ANKRD31: variants seen among roughly 807,000 people sequenced by gnomAD.
ANKRD31 encodes the protein ankyrin repeat domain 31, also known as ankyrin repeat domain-containing protein 31.
ANKRD31 carries 147 observed loss-of-function variants against 186.0 expected under a neutral mutation model. That is an observed-to-expected ratio of 0.79 (90% CI 0.69 to 0.91). The LOEUF is 0.91. ANKRD31 is among the 40% of genes least tolerant of loss of function. The probability of loss-of-function intolerance (pLI) is 0.00; values close to 1 mark genes in which losing one functional copy is unlikely to be tolerated. For missense variants in ANKRD31, 1,986 were observed against 2,148.8 expected (o/e 0.92, Z 1.50); for synonymous variants, 673 against 736.4 (o/e 0.91, Z 1.39).
chr5:75,144,268 C>T (rs1447381205), intron 14 of ANKRD31, 97 bp from the exon 15 acceptor site: 1 of 391,938 alleles, frequency 2.6e-6, no homozygotes, highest in Non-Finnish European at 4.5e-6. Context: ...TTCTGTTCCA[C>T]ACTGGACTGT....
In ANKRD31 at chr5:75,175,746, G is replaced by A. The variant is rs1580486360; in HGVS notation, c.1565-6625C>T. Among the ~76,000 whole-genome samples the A allele has an allele frequency of 9.2e-5, 14 of 152,012 alleles. 2 individuals are homozygous for A. The South Asian group carries it at 2.9e-3, about 32-fold the overall frequency. ...TGTTTAGTGATAAAACACACTGTTG[G>A]TTGGGGTGGAGCCAAGATGGCCGAA... On this transcript the variant is annotated intron_variant, in intron 10 of 25. Transcript: ENST00000506364.
chr5:75,142,825 T>C (rs1207895342), intron 15 of ANKRD31, among the ~76,000 whole-genome samples: 1 of 152,118 alleles, frequency 6.6e-6, no homozygotes, highest in East Asian at 1.9e-4. Context: ...TCTGGAGCAG[T>C]TCAATTCTCT....
intron 11 of ANKRD31, among the ~76,000 whole-genome samples, chr5:75,165,957 T>C (rs1752892559): frequency 6.6e-6 from 1 of 152,224 alleles, no homozygotes; most frequent in African/African-American, 2.4e-5. Flanking sequence ...GGATGTTAAA[T>C]GGTATAAAGA....
intron 17 of ANKRD31, among the ~76,000 whole-genome samples, chr5:75,136,407 G>A (rs1561464539): frequency 6.6e-6 from 1 of 152,076 alleles, no homozygotes; most frequent in African/African-American, 2.4e-5. Flanking sequence ...ACAGACACAT[G>A]AAAAAAAGCT....
intron 6 of ANKRD31, among the ~76,000 whole-genome samples, chr5:75,198,812 C>T (rs1269173876): frequency 6.6e-6 from 1 of 152,212 alleles, no homozygotes; most frequent in Non-Finnish European, 1.5e-5. Flanking sequence ...ACCATCATTG[C>T]TCGGTCCTCA....
chr5:75,104,398 A>C lies in ANKRD31; in HGVS notation c.5161T>G (p.Cys1721Gly), dbSNP rs1407269452. Residue 1721 changes from cysteine to glycine, a missense_variant, in exon 22 of 26, where the codon TGT becomes GGT. By Grantham distance (159) the Cys-to-Gly change is radical. Transcript: ENST00000506364. ...GAGGAGATCTGACTGTCATCTGCAC[A>C]TGGAACAACAGAAACTGATTTTTTA... The part of the protein sequence containing the change: ...YLKKSVSVVP[C>G]ADDSQISSSS... 6.5e-7 allele frequency: 1 copy of C among 1,537,082 alleles called. No individual in the cohort carries two copies. Among genetic ancestry groups the C allele is most frequent in the African/African-American group, 1.4e-5 (1 of 73,026 alleles).
intron 22 of ANKRD31, among the ~76,000 whole-genome samples, chr5:75,099,924 C>T (rs540401726): frequency 6.6e-6 from 1 of 152,268 alleles, no homozygotes; most frequent in Non-Finnish European, 1.5e-5. Context: ...CTATTTCCCT[C>T]AGTTCTGCTC....
At chr5:75,223,354 A>G (rs964610814) in intron 2 of ANKRD31, among the ~76,000 whole-genome samples, 6 of 152,210 alleles carry the variant, frequency 3.9e-5, no homozygotes, top group African/African-American at 1.4e-4. Context: ...AAAGGCAATC[A>G]ATATGCATAG....
intron 17 of ANKRD31, among the ~76,000 whole-genome samples, chr5:75,131,015 C>A (rs1269299436): frequency 1.3e-5 from 2 of 152,250 alleles, no homozygotes; most frequent in East Asian, 3.9e-4. Context: ...GAACGGTGGT[C>A]CATGCACGGG....
intron 8 of ANKRD31, among the ~76,000 whole-genome samples, chr5:75,192,988 G>A (rs115215732): frequency 0.016 from 2,367 of 152,128 alleles, 74 homozygotes; most frequent in African/African-American, 0.054. Context: ...CTCTCTTTGC[G>A]CGACCTGTGG....
At chr5:75,220,064 T>C (rs540419623) in intron 3 of ANKRD31, among the ~76,000 whole-genome samples, 1 of 152,194 alleles carries the variant, frequency 6.6e-6, no homozygotes, top group African/African-American at 2.4e-5. Flanking sequence ...AAATACCATT[T>C]TGGACATGGA....
At chr5:75,129,140 T>C (rs1034196893) in intron 17 of ANKRD31, among the ~76,000 whole-genome samples, 3 of 152,048 alleles carry the variant, frequency 2.0e-5, no homozygotes, top group South Asian at 2.1e-4. Context: ...GATCTGGTGG[T>C]TTAAAAGTGT....
At chr5:75,133,824 C>T (rs7293447) in intron 17 of ANKRD31, among the ~76,000 whole-genome samples, 4 of 152,032 alleles carry the variant, frequency 2.6e-5, no homozygotes, top group African/African-American at 9.7e-5. Flanking sequence ...TCTCTCAGAC[C>T]ACAGTGCAAT....
chr5:75,173,384 G>A (rs1753510898), intron 10 of ANKRD31, among the ~76,000 whole-genome samples: 1 of 152,092 alleles, frequency 6.6e-6, no homozygotes, highest in African/African-American at 2.4e-5. Flanking sequence ...CCTGGCCAGG[G>A]CAATCAGGCA....
intron 22 of ANKRD31, among the ~76,000 whole-genome samples, chr5:75,103,367 G>A (rs1747067945): frequency 6.6e-6 from 1 of 152,196 alleles, no homozygotes; most frequent in African/African-American, 2.4e-5. Context: ...TGGCGAGGTT[G>A]CAGATAAATA....
At chr5:75,164,142 T>C (rs1027058142) in intron 11 of ANKRD31, among the ~76,000 whole-genome samples, 1 of 152,294 alleles carries the variant, frequency 6.6e-6, no homozygotes, top group Non-Finnish European at 1.5e-5. Context: ...AGCAGCTCTA[T>C]GGAGGGGTCC....
chr5:75,116,743 G>T, intron 18 of ANKRD31, 62 bp from the exon 19 acceptor site: 1 of 941,852 alleles, frequency 1.1e-6, no homozygotes, highest in Non-Finnish European at 1.4e-6. Context: ...TCATTTTTCA[G>T]TTTTAATGTG....
rs138494518 is a variant in ANKRD31 at position 75,085,691 on chromosome 5, C to T, written c.5473-1317G>A. The stretch of plus-strand genomic sequence containing the variant: ...TGCTGGGATTACAGGTGTGAGCCAC[C>T]GTGCCTGGCTGTGAAGTCCCAACTC... On this transcript the variant is annotated intron_variant, in intron 23 of 25. Transcript: ENST00000506364. Among the ~76,000 whole-genome samples, 93 of 152,208 alleles carry T rather than the reference C, an allele frequency of 6.1e-4. 1 individual carries two copies. The highest frequency in any genetic ancestry group is 2.1e-3 in the African/African-American group (88 of 41,526).
chr5:75,152,428 G>T lies in ANKRD31; in HGVS notation c.1852+1773C>A, dbSNP rs563829745. ...CACTTCATGGTGAGAAGGATTTTCAGATTAAACTTTCCTGCACACAAAGGG... is the reference window on the plus strand; with the variant it reads ...CACTTCATGGTGAGAAGGATTTTCATATTAAACTTTCCTGCACACAAAGGG... On this transcript the variant is annotated intron_variant, in intron 12 of 25. Transcript: ENST00000506364. Among the ~76,000 whole-genome samples the T allele has an allele frequency of 3.9e-5, 6 of 152,132 alleles. No individual in the cohort carries two copies. The East Asian group carries it at 9.7e-4, about 25-fold the overall frequency.
Sources: allele counts gnomAD v4.1 joint callset (sites outside exome capture counted in the v4.1 genomes callset), GRCh38; gene constraint gnomAD v4.1.1; transcripts MANE v1.5; gene names NCBI Gene and HGNC (gene_info 2026-07-23, HGNC 2026-07-21).